TRPM3: variants seen among roughly 807,000 people sequenced by gnomAD.
The protein encoded by TRPM3 is transient receptor potential cation channel subfamily M member 3.
Under a neutral mutation model 181.2 loss-of-function variants are expected in TRPM3, and 77 were observed. The observed-to-expected ratio is 0.42, with a 90% confidence interval of 0.35 to 0.51. TRPM3 has a LOEUF of 0.51. Among genes scored for constraint, TRPM3 ranks in the 20% least tolerant of loss-of-function variants. TRPM3 has a pLI of 0.01. For missense variants in TRPM3, 1,759 were observed against 2,196.7 expected, an observed-to-expected ratio of 0.80 and a Z score of 3.98; for synonymous variants, 745 against 796.4, an observed-to-expected ratio of 0.94 and a Z score of 1.09.
chr9:71,214,151 T>G (rs1005275954), intron 1 of TRPM3, among the ~76,000 whole-genome samples: 6 of 152,138 alleles, frequency 3.9e-5, no homozygotes, highest in Non-Finnish European at 4.4e-5. Flanking sequence ...CCAACTCATT[T>G]GACATTAATA....
chr9:71,340,041 C>T (rs1289640452), intron 1 of TRPM3, among the ~76,000 whole-genome samples: 1 of 150,032 alleles, frequency 6.7e-6, no homozygotes, highest in Non-Finnish European at 1.5e-5. Flanking sequence ...CATTGTAAGG[C>T]TAAAGACAAA....
intron 1 of TRPM3, among the ~76,000 whole-genome samples, chr9:71,134,130 T>A (rs747300773): frequency 4.6e-5 from 7 of 152,200 alleles, no homozygotes; most frequent in African/African-American, 7.2e-5. Flanking sequence ...CCTTTATTAT[T>A]CTTTTTTATT....
chr9:70,681,375 G>C, intron 9 of TRPM3, 131 bp downstream of exon 9: 1 of 708,178 alleles, frequency 1.4e-6, no homozygotes, highest in South Asian at 1.9e-5. Context: ...TTACAGGAGA[G>C]ACCCCTATGT....
rs1206004473 is a variant in TRPM3 at position 70,535,476 on chromosome 9, C to A, written c.*477G>T. On this transcript the variant is annotated 3_prime_UTR_variant, in exon 26 of 26. Coordinates refer to ENST00000677713, the MANE Select transcript of TRPM3 (RefSeq NM_001366145.2). Reference sequence around the variant, plus strand: ...TCTTCATCAGTCACCAGTGATGGAGCCAATGTGAAAAGAAAACAGAATGGA... The same window carrying A: ...TCTTCATCAGTCACCAGTGATGGAGACAATGTGAAAAGAAAACAGAATGGA... 1.3e-6 allele frequency: 2 copies of A among 1,550,442 alleles called. No homozygotes were observed. The highest frequency in any genetic ancestry group is 3.9e-5 in the Admixed American group (2 of 50,990).
At chr9:71,100,878 G>T (rs1199559360) in intron 1 of TRPM3, among the ~76,000 whole-genome samples, 2 of 152,108 alleles carry the variant, frequency 1.3e-5, no homozygotes, top group African/African-American at 2.4e-5. Flanking sequence ...GAAGCTTAGA[G>T]TCGTAACACA....
intron 8 of TRPM3, among the ~76,000 whole-genome samples, chr9:70,759,028 A>C (rs2077594428): frequency 6.6e-6 from 1 of 152,244 alleles, no homozygotes; most frequent in African/African-American, 2.4e-5. Flanking sequence ...AGAAACTATC[A>C]TCAGAATGAA....
In TRPM3 at chr9:71,217,160, C is replaced by A. The variant is rs981669435; in HGVS notation, c.183+229493G>T. Among the ~76,000 whole-genome samples the A allele has an allele frequency of 1.7e-4, 25 of 151,462 alleles. 1 individual carries two copies. In the East Asian group the frequency reaches 4.9e-3, roughly 30 times the overall value. On this transcript the variant is annotated intron_variant, in intron 1 of 24. Coordinates refer to the TRPM3 transcript ENST00000357533. The stretch of plus-strand genomic sequence containing the variant: ...AGAGACGGGGTTTCACCGTGTTAGC[C>A]AGGATGGTCTCGATCTCCTGACCTC...
At chr9:71,233,737 G>T (rs1188280151) in intron 1 of TRPM3, among the ~76,000 whole-genome samples, 3 of 152,188 alleles carry the variant, frequency 2.0e-5, no homozygotes, top group Non-Finnish European at 4.4e-5. Context: ...TCTAGAGCTT[G>T]CAAGAAGCCA....
At position 71,389,982 on chromosome 9, in the gene TRPM3, C is replaced by T. The variant is rs201920609; in HGVS notation, c.183+56671G>A. 7.1e-4 allele frequency among the ~76,000 whole-genome samples: 108 copies of T among 152,038 alleles called. No individual in the cohort carries two copies. The East Asian group carries it at 0.017, about 23-fold the overall frequency. ...TATGGAAAAATAAAATTAAAAAAAA[C>T]TTATTTGGAAAATATTTCAGAACAT... On this transcript the variant is annotated intron_variant, in intron 1 of 24. Transcript: ENST00000357533.
chr9:70,771,316 G>A (rs1182662749), intron 7 of TRPM3, among the ~76,000 whole-genome samples: 5 of 152,188 alleles, frequency 3.3e-5, no homozygotes, highest in African/African-American at 1.2e-4. Context: ...GGTCTGTGAA[G>A]GTGAACTGAT....
rs200080842 is a variant in TRPM3 at position 70,620,346 on chromosome 9, C to T, written c.1859G>A (p.Arg620Gln). The change falls in exon 16 of 26, where the codon CGA (arginine) becomes CAA (glutamine). Residue 620 changes from arginine (R) to glutamine (Q), a missense_variant. Coordinates refer to ENST00000677713, the MANE Select transcript of TRPM3 (RefSeq NM_001366145.2). ...LGMEDDIPLR[R>Q]GRKTTKKREE... ...ACGTTTCTTGGTTGTCTTTCTTCCT[C>T]GCCTCAAGGGAATATCATCCTGTAA... The T allele has an allele frequency of 4.8e-5, 77 of 1,612,858 alleles. No individual in the cohort carries two copies. The highest frequency in any genetic ancestry group is 2.7e-4 in the Admixed American group (16 of 59,992).
At chr9:70,998,393 G>A (rs1409025619) in intron 1 of TRPM3, among the ~76,000 whole-genome samples, 1 of 151,788 alleles carries the variant, frequency 6.6e-6, no homozygotes, top group East Asian at 1.9e-4. Flanking sequence ...AAATGGAGAG[G>A]AAGGTACAGA....
intron 1 of TRPM3, among the ~76,000 whole-genome samples, chr9:71,200,907 C>T (rs2078743223): frequency 6.6e-6 from 1 of 150,558 alleles, no homozygotes; most frequent in Admixed American, 6.6e-5. Flanking sequence ...TGAATTTGAT[C>T]CTGTCATTAT....
chr9:71,371,844 T>C (rs972530730), intron 1 of TRPM3, among the ~76,000 whole-genome samples: 2 of 152,224 alleles, frequency 1.3e-5, no homozygotes, highest in Admixed American at 1.3e-4. Flanking sequence ...TTTTGGTTTT[T>C]CTCCAACTTT....
At chr9:71,294,452 T>G (rs548023839) in intron 1 of TRPM3, among the ~76,000 whole-genome samples, 73 of 152,196 alleles carry the variant, frequency 4.8e-4, no homozygotes, top group Admixed American at 9.8e-4. Flanking sequence ...TGGCAAAATT[T>G]AAAAAGCCTG....
At chr9:71,137,468 A>C (rs1288374396) in intron 1 of TRPM3, among the ~76,000 whole-genome samples, 1 of 73,472 alleles carries the variant, frequency 1.4e-5, no homozygotes, top group Non-Finnish European at 4.1e-5. Flanking sequence ...GAGTTCTGCA[A>C]ACAGAGTTTT....
chr9:70,992,841 G>A (rs149829041), intron 1 of TRPM3, among the ~76,000 whole-genome samples: 7 of 152,286 alleles, frequency 4.6e-5, no homozygotes, highest in Non-Finnish European at 8.8e-5. Flanking sequence ...ATATTGAAAA[G>A]TGCCAACACA....
intron 1 of TRPM3, among the ~76,000 whole-genome samples, chr9:70,916,581 G>T (rs2133220446): frequency 6.6e-6 from 1 of 151,986 alleles, no homozygotes; most frequent in South Asian, 2.1e-4. Context: ...TTTTTTGCAG[G>T]GTGGATAAGC....
At chr9:71,336,451 G>A (rs1054063242) in intron 1 of TRPM3, among the ~76,000 whole-genome samples, 3 of 152,136 alleles carry the variant, frequency 2.0e-5, no homozygotes, top group Admixed American at 2.0e-4. Context: ...GGAAATAAGA[G>A]AGGACACAAA....
Sources: gnomAD v4.1 joint callset for allele counts (sites outside exome capture counted in the v4.1 genomes callset) on GRCh38, gnomAD v4.1.1 for gene constraint, MANE v1.5 for transcripts, NCBI Gene and HGNC (gene_info 2026-07-23, HGNC 2026-07-21) for gene names.